The following LIMCH1 variants were observed in gnomAD, a reference collection of about 807,000 sequenced individuals.
The protein encoded by LIMCH1 is LIM and calponin homology domains-containing protein 1.
Under a neutral mutation model 176.5 loss-of-function variants are expected in LIMCH1, and 113 were observed. The ratio of observed to expected loss-of-function variants is 0.64; its 90% CI spans 0.55 to 0.75. The LOEUF (loss-of-function observed/expected upper bound fraction) is 0.75. Among genes scored for constraint, LIMCH1 ranks in the 30% least tolerant of loss-of-function variants. LIMCH1 has a pLI of 0.00. For synonymous variants in LIMCH1, 619 were observed against 645.9 expected (o/e 0.96, Z 0.63); for missense variants, 1,674 against 1,814.9 (o/e 0.92, Z 1.41).
At chr4:41,588,914 A>C (rs1353620147) in intron 1 of LIMCH1, among the ~76,000 whole-genome samples, 1 of 152,174 alleles carries the variant, frequency 6.6e-6, no homozygotes, top group Non-Finnish European at 1.5e-5. Context: ...CTCCATATAG[A>C]CAGACGGCTG....
At chr4:41,605,754 C>T in intron 3 of LIMCH1, 140 bp from the exon 4 acceptor site, 1 of 418,680 alleles carries the variant, frequency 2.4e-6, no homozygotes, top group Non-Finnish European at 4.8e-6. Context: ...TTAATGGATA[C>T]CTCATGGGTG....
At chr4:41,683,709 G>A (rs1718195790) in intron 26 of LIMCH1, among the ~76,000 whole-genome samples, 1 of 152,190 alleles carries the variant, frequency 6.6e-6, no homozygotes, top group Non-Finnish European at 1.5e-5. Flanking sequence ...GTAAGCTACA[G>A]GTGCTCAGGG....
Position 41,680,949 on chromosome 4 carries a change from C to G in LIMCH1, c.3613-6C>G, listed in dbSNP as rs148399223. On this transcript the variant is annotated splice_polypyrimidine_tract_variant and splice_region_variant and intron_variant, in intron 24 of 31. Transcript: ENST00000503057. ...CCCTTTCATCGATTCCTGTCCTTCC[C>G]CTTAGGAGCGTAAGATAATTGAAGA... is the stretch of plus-strand genomic sequence containing the variant. 68 of 1,531,512 alleles carry G rather than the reference C, an allele frequency of 4.4e-5. No homozygotes were observed. The East Asian group carries it at 1.5e-3, about 34-fold the overall frequency. The allele number at this position is 1,531,512 out of a possible 1,614,324, so 94.9% of individuals were successfully genotyped here. A position where few individuals can be genotyped will look rare whatever the true frequency, so the allele number is the denominator to read the frequency against.
chr4:41,495,374 A>G (rs1215266692), intron 2 of LIMCH1, among the ~76,000 whole-genome samples: 2 of 152,212 alleles, frequency 1.3e-5, no homozygotes, highest in East Asian at 3.9e-4. Flanking sequence ...AGATGTGTAC[A>G]TGTATGTAAC....
chr4:41,697,754 T>C lies in LIMCH1; in HGVS notation c.*569T>C, dbSNP rs1731582578. The C allele has an allele frequency of 6.6e-6, 1 of 152,338 alleles. No homozygotes were observed. The highest frequency in any genetic ancestry group is 1.9e-4 in the East Asian group (1 of 5,188). The allele number at this position is 152,338 out of a possible 1,614,324, so 9.4% of individuals were successfully genotyped here. The stretch of plus-strand genomic sequence containing the variant: ...AATATATACTGTAATCCTGAAACAT[T>C]TGTGTTACTTACCTTTGGAGGTAGA... On this transcript the variant is annotated 3_prime_UTR_variant, in exon 32 of 32. Coordinates refer to ENST00000503057, the MANE Select transcript of LIMCH1 (RefSeq NM_001330672.2).
chr4:41,678,475 C>T (rs532115805), intron 23 of LIMCH1, among the ~76,000 whole-genome samples: 2 of 152,172 alleles, frequency 1.3e-5, no homozygotes, highest in Non-Finnish European at 2.9e-5. Flanking sequence ...ACCATCTGCT[C>T]GTCTCTGGGA....
At chr4:41,574,051 A>G (rs1243018122) in intron 1 of LIMCH1, among the ~76,000 whole-genome samples, 2 of 152,094 alleles carry the variant, frequency 1.3e-5, no homozygotes. Flanking sequence ...CTTTCCTATA[A>G]TGCAAACTCA....
At chr4:41,493,054 T>C (rs1438214637) in intron 1 of LIMCH1, among the ~76,000 whole-genome samples, 1 of 152,162 alleles carries the variant, frequency 6.6e-6, no homozygotes, top group African/African-American at 2.4e-5. Context: ...TTTTATTCTT[T>C]TATTTAACTT....
At chr4:41,649,916 A>G (rs766263070) in intron 17 of LIMCH1, among the ~76,000 whole-genome samples, 7 of 152,222 alleles carry the variant, frequency 4.6e-5, no homozygotes, top group Admixed American at 3.3e-4. Flanking sequence ...TTAGCTTCAA[A>G]AAAAGTATCT....
intron 2 of LIMCH1, among the ~76,000 whole-genome samples, chr4:41,599,552 C>G (rs191454477): frequency 5.5e-4 from 84 of 152,246 alleles, no homozygotes; most frequent in Middle Eastern, 6.8e-3. Flanking sequence ...CTGTTTGGGC[C>G]AAATAATTCT....
chr4:41,416,490 A>G (rs1325119587), intron 1 of LIMCH1, among the ~76,000 whole-genome samples: 1 of 149,116 alleles, frequency 6.7e-6, no homozygotes, highest in Non-Finnish European at 1.5e-5. Flanking sequence ...CATCTCTACT[A>G]AAAATACAAA....
intron 18 of LIMCH1, among the ~76,000 whole-genome samples, chr4:41,654,013 G>A (rs746546650): frequency 1.3e-4 from 20 of 152,112 alleles, no homozygotes; most frequent in Non-Finnish European, 2.4e-4. Flanking sequence ...TATGAATTAA[G>A]GACCTACCCT....
chr4:41,644,723 A>C, intron 15 of LIMCH1, 97 bp downstream of exon 15: 1 of 1,452,584 alleles, frequency 6.9e-7, no homozygotes, highest in Non-Finnish European at 9.3e-7. Context: ...CATGCGGGGA[A>C]AGGGAGCCCC....
intron 1 of LIMCH1, among the ~76,000 whole-genome samples, chr4:41,371,214 A>G (rs1267338041): frequency 6.6e-6 from 1 of 152,206 alleles, no homozygotes; most frequent in Non-Finnish European, 1.5e-5. Context: ...TAATGGTTCA[A>G]TATGCTGTTT....
intron 1 of LIMCH1, among the ~76,000 whole-genome samples, chr4:41,391,459 G>A (rs1218802384): frequency 6.6e-6 from 1 of 152,164 alleles, no homozygotes; most frequent in African/African-American, 2.4e-5. Flanking sequence ...ATTACTGAAT[G>A]TGGGCTGATA....
intron 30 of LIMCH1, among the ~76,000 whole-genome samples, chr4:41,690,088 T>C (rs1338184974): frequency 6.6e-6 from 1 of 152,234 alleles, no homozygotes; most frequent in South Asian, 2.1e-4. Context: ...GGTCTCAGAA[T>C]GAATATGTCT....
At chr4:41,434,836 A>G (rs974693053) in intron 1 of LIMCH1, among the ~76,000 whole-genome samples, 4 of 152,216 alleles carry the variant, frequency 2.6e-5, no homozygotes, top group African/African-American at 9.6e-5. Context: ...GTCTTGATGA[A>G]CAGAAATCTG....
chr4:41,505,941 C>G (rs921074794), intron 2 of LIMCH1, among the ~76,000 whole-genome samples: 3 of 151,026 alleles, frequency 2.0e-5, no homozygotes, highest in Non-Finnish European at 3.0e-5. Context: ...CACACACACA[C>G]ACACACACAC....
chr4:41,369,687 G>A (rs150571400), intron 1 of LIMCH1, among the ~76,000 whole-genome samples: 89 of 152,102 alleles, frequency 5.9e-4, no homozygotes, highest in Non-Finnish European at 1.0e-3. Flanking sequence ...TTTTTTGTGT[G>A]TGTGTGTGGT....
Sources: gnomAD v4.1 joint callset for allele counts (sites outside exome capture counted in the v4.1 genomes callset) on GRCh38, gnomAD v4.1.1 for gene constraint, MANE v1.5 for transcripts, NCBI Gene and HGNC (gene_info 2026-07-23, HGNC 2026-07-21) for gene names.